EIF4G3: variants seen among roughly 807,000 people sequenced by gnomAD.
EIF4G3 encodes eIF-4-gamma 3.
In EIF4G3, 34 loss-of-function variants were observed where a neutral mutation model predicts 186.4. That is an observed-to-expected ratio of 0.18 (90% confidence interval 0.14 to 0.24). The LOEUF is 0.24. Among genes scored for constraint, EIF4G3 ranks in the 10% least tolerant of loss-of-function variants. The pLI, the probability that EIF4G3 is intolerant of heterozygous loss-of-function variation, is 1.00. For synonymous variants in EIF4G3, 673 were observed against 679.5 expected (o/e 0.99, Z 0.15); for missense variants, 1,536 against 1,948.5 (o/e 0.79, Z 3.99).
intron 3 of EIF4G3, among the ~76,000 whole-genome samples, chr1:21,069,368 A>C (rs2095371220): frequency 6.6e-6 from 1 of 152,192 alleles, no homozygotes; most frequent in Non-Finnish European, 1.5e-5. Context: ...CATAATCATT[A>C]ATGTCTCTTC....
chr1:20,941,118 G>C, intron 14 of EIF4G3: 1 of 1,088,554 alleles, frequency 9.2e-7, no homozygotes, highest in Non-Finnish European at 1.3e-6. Context: ...TAGGAAGACA[G>C]AATTAGGGAC....
At chr1:20,972,267 C>G (rs2076053000) in intron 11 of EIF4G3, among the ~76,000 whole-genome samples, 1 of 152,028 alleles carries the variant, frequency 6.6e-6, no homozygotes, top group African/African-American at 2.4e-5. Flanking sequence ...TCTTGCTATC[C>G]TTAATATCTC....
At chr1:21,008,384 T>C (rs959512264) in intron 4 of EIF4G3, among the ~76,000 whole-genome samples, 1 of 152,136 alleles carries the variant, frequency 6.6e-6, no homozygotes, top group African/African-American at 2.4e-5. Context: ...TCACCCAGAC[T>C]GGAGTGCAAT....
chr1:20,877,580 C>A (rs1410373904), intron 20 of EIF4G3, among the ~76,000 whole-genome samples: 1 of 152,146 alleles, frequency 6.6e-6, no homozygotes, highest in Non-Finnish European at 1.5e-5. Flanking sequence ...CATCCTCATT[C>A]TATAGCCAAC....
intron 30 of EIF4G3, among the ~76,000 whole-genome samples, chr1:20,834,838 A>G (rs2154548564): frequency 6.6e-6 from 1 of 152,338 alleles, no homozygotes; most frequent in East Asian, 1.9e-4. Flanking sequence ...TAGACAGAAA[A>G]TCAGTAAGGA....
In EIF4G3 at chr1:20,841,320, T is replaced by A. The variant is rs964445238; in HGVS notation, c.3889-292A>T. The stretch of plus-strand genomic sequence containing the variant: ...GAACTGTTTTTATAAATAAAAAAAA[T>A]TTTATAATGATGCATCTTTACAAAG... On this transcript the variant is annotated intron_variant, in intron 29 of 36. Transcript: ENST00000602326. 6 of 197,234 alleles carry A rather than the reference T, an allele frequency of 3.0e-5. No individual in the cohort carries two copies. The East Asian group carries it at 3.6e-4, about 12-fold the overall frequency. The allele number at this position is 197,234 out of a possible 1,614,324, so 12.2% of individuals were successfully genotyped here. A position where few individuals can be genotyped will look rare whatever the true frequency, so the allele number is the denominator to read the frequency against.
intron 19 of EIF4G3, among the ~76,000 whole-genome samples, chr1:20,884,608 T>C (rs1247710031): frequency 6.6e-6 from 1 of 151,822 alleles, no homozygotes; most frequent in Non-Finnish European, 1.5e-5. Flanking sequence ...CCAAAAAAGG[T>C]TGAGATATGT....
At chr1:20,916,555 A>C (rs967420327) in intron 14 of EIF4G3, among the ~76,000 whole-genome samples, 1 of 152,196 alleles carries the variant, frequency 6.6e-6, no homozygotes, top group African/African-American at 2.4e-5. Flanking sequence ...GTGTCAATGC[A>C]AATCAAATTT....
chr1:21,134,926 A>G (rs1263902979), intron 2 of EIF4G3, among the ~76,000 whole-genome samples: 2 of 152,064 alleles, frequency 1.3e-5, no homozygotes, highest in Non-Finnish European at 1.5e-5. Flanking sequence ...TATATATGCA[A>G]TATTTTAAAA....
At chr1:21,036,990 G>A (rs2093260807) in intron 4 of EIF4G3, among the ~76,000 whole-genome samples, 1 of 152,138 alleles carries the variant, frequency 6.6e-6, no homozygotes, top group African/African-American at 2.4e-5. Context: ...ATTCAGTATA[G>A]TACTGAACTG....
At chr1:20,949,767 T>C (rs1317224321) in intron 13 of EIF4G3, among the ~76,000 whole-genome samples, 1 of 152,230 alleles carries the variant, frequency 6.6e-6, no homozygotes, top group Non-Finnish European at 1.5e-5. Context: ...ACCTTTAAAC[T>C]GTATACAGAT....
intron 12 of EIF4G3, among the ~76,000 whole-genome samples, chr1:20,962,920 T>G (rs139313266): frequency 2.8e-5 from 4 of 142,684 alleles, no homozygotes; most frequent in East Asian, 2.0e-4. Context: ...TTTTTTTTTG[T>G]TTTTTTTTTT....
chr1:20,877,501 G>A (rs971340310), intron 20 of EIF4G3, among the ~76,000 whole-genome samples: 3 of 152,140 alleles, frequency 2.0e-5, no homozygotes, highest in African/African-American at 4.8e-5. Context: ...AAAATAATAT[G>A]TATATATAAA....
At chr1:21,065,397 CAAAAAA>C (rs3081969) in intron 3 of EIF4G3, among the ~76,000 whole-genome samples, 3 of 124,080 alleles carry the variant, frequency 2.4e-5, no homozygotes, top group East Asian at 4.6e-4. Flanking sequence ...TTGTTTCTAC[CAAAAAA>C]AAAAAAAAAA....
chr1:20,823,876 A>G (rs961774836), intron 33 of EIF4G3, among the ~76,000 whole-genome samples: 4 of 152,224 alleles, frequency 2.6e-5, no homozygotes, highest in African/African-American at 7.2e-5. Flanking sequence ...ATGAACACCA[A>G]GTGTCAACTC....
chr1:20,883,592 G>C (rs2083122900), intron 19 of EIF4G3, among the ~76,000 whole-genome samples: 1 of 151,802 alleles, frequency 6.6e-6, no homozygotes, highest in Non-Finnish European at 1.5e-5. Context: ...ACTCCAGGCT[G>C]GGTGACAGAG....
chr1:20,862,598 A>C (rs1008830817), intron 22 of EIF4G3, among the ~76,000 whole-genome samples: 4 of 152,012 alleles, frequency 2.6e-5, no homozygotes, highest in African/African-American at 9.7e-5. Flanking sequence ...TTTTTTGTAG[A>C]GACAGGGTCT....
chr1:21,132,746 G>A (rs1373895963), intron 2 of EIF4G3, among the ~76,000 whole-genome samples: 1 of 151,258 alleles, frequency 6.6e-6, no homozygotes, highest in African/African-American at 2.4e-5. Flanking sequence ...AGCTTTCATA[G>A]CTTTTAAAAC....
At chr1:21,088,794 G>A (rs1488510663) in intron 3 of EIF4G3, among the ~76,000 whole-genome samples, 1 of 152,100 alleles carries the variant, frequency 6.6e-6, no homozygotes, top group African/African-American at 2.4e-5. Flanking sequence ...GAACCCAGGA[G>A]GCGGAGGTTG....
Sources: gnomAD v4.1 joint callset for allele counts (sites outside exome capture counted in the v4.1 genomes callset) on GRCh38, gnomAD v4.1.1 for gene constraint, MANE v1.5 for transcripts, NCBI Gene and HGNC (gene_info 2026-07-23, HGNC 2026-07-21) for gene names.